USO1: variants seen among roughly 807,000 people sequenced by gnomAD.
USO1 encodes the protein USO1 vesicle transport factor.
In USO1, 57 loss-of-function variants were observed where a neutral mutation model predicts 124.5. The ratio of observed to expected loss-of-function variants is 0.46; its 90% CI spans 0.37 to 0.57. The LOEUF is 0.57. Ranked by LOEUF, USO1 falls within the 20% of genes least tolerant of loss-of-function variation. USO1 has a pLI of 0.00. For missense variants in USO1, 900 were observed against 1,040.6 expected (o/e 0.86, Z 1.86); for synonymous variants, 369 against 362.8 (o/e 1.02, Z -0.19).
chr4:75,744,823 A>G (rs1163015310), intron 1 of USO1: 1 of 385,458 alleles, frequency 2.6e-6, no homozygotes, highest in Non-Finnish European at 5.2e-6. Flanking sequence ...GCCCCCATGA[A>G]TGGACATTAA....
intron 3 of USO1, chr4:75,755,620 C>CA (rs1721418931): frequency 2.3e-6 from 1 of 428,086 alleles, no homozygotes; most frequent in Non-Finnish European, 4.6e-6. Flanking sequence ...CAGTGTAACT[C>CA]AAATTGACTA....
intron 19 of USO1, 36 bp downstream of exon 19, chr4:75,805,339 C>G (rs1345035181): frequency 2.0e-6 from 3 of 1,501,382 alleles, no homozygotes; most frequent in Non-Finnish European, 2.7e-6. Context: ...AATAAGAGTT[C>G]AAGAGTGGTT....
intron 3 of USO1, among the ~76,000 whole-genome samples, chr4:75,756,453 T>C (rs960211816): frequency 1.3e-4 from 20 of 152,028 alleles, no homozygotes; most frequent in African/African-American, 1.2e-4. Context: ...CATCTCAATA[T>C]GGAAAATAGA....
At chr4:75,784,361 T>G (rs890775788) in intron 9 of USO1, among the ~76,000 whole-genome samples, 2 of 152,172 alleles carry the variant, frequency 1.3e-5, no homozygotes, top group African/African-American at 4.8e-5. Context: ...AGAAAAGTAA[T>G]TTCCAAAATG....
At chr4:75,755,442 C>T (rs1560441676) in intron 3 of USO1, 3 of 519,690 alleles carry the variant, frequency 5.8e-6, no homozygotes, top group Non-Finnish European at 1.2e-5. Context: ...TGCATTTCAC[C>T]AGTTCAGTGA....
At chr4:75,790,912 A>G (rs987965644) in intron 12 of USO1, 115 bp downstream of exon 12, 65 of 767,218 alleles carry the variant, frequency 8.5e-5, no homozygotes, top group Non-Finnish European at 9.7e-5. Context: ...CTTAGGAGAG[A>G]AAAAAAAAAA....
intron 7 of USO1, 35 bp from the exon 8 acceptor site, chr4:75,774,641 T>G (rs1301753919): frequency 1.3e-6 from 2 of 1,534,112 alleles, no homozygotes; most frequent in Non-Finnish European, 1.8e-6. Flanking sequence ...TCATAAATTT[T>G]GTACTCCACT....
intron 4 of USO1, among the ~76,000 whole-genome samples, chr4:75,767,841 C>CA (rs1412408036): frequency 6.6e-6 from 1 of 152,126 alleles, no homozygotes; most frequent in African/African-American, 2.4e-5. Flanking sequence ...AGGTTTTTTG[C>CA]ATTTGCAAAC....
At chr4:75,742,188 T>C (rs1372658720) in intron 1 of USO1, among the ~76,000 whole-genome samples, 1 of 152,168 alleles carries the variant, frequency 6.6e-6, no homozygotes, top group African/African-American at 2.4e-5. Context: ...CAAGTAACAG[T>C]CATTTGTTAC....
rs1326073733 is a variant in USO1, at chr4:75,757,476, G to A, written c.219-21G>A. 2.7e-6 allele frequency: 4 copies of A among 1,476,080 alleles called. No homozygotes were observed. In the African/African-American group the frequency reaches 4.4e-5, roughly 16 times the overall value. 91.4% of individuals were successfully genotyped at this position (1,476,080 alleles called of 1,614,324 possible). ...ATACTCTCATCAGCAGTGTATAAGT[G>A]TAATAATTTCTTTTTTCCAGTTCAG... is the stretch of plus-strand genomic sequence containing the variant. On this transcript the variant is annotated intron_variant, in intron 3 of 23. Coordinates refer to ENST00000514213, the MANE Select transcript of USO1 (RefSeq NM_003715.4).
At chr4:75,810,672 C>A in intron 22 of USO1, 133 bp downstream of exon 22, 1 of 1,121,472 alleles carries the variant, frequency 8.9e-7, no homozygotes, top group Non-Finnish European at 1.2e-6. Context: ...AACATTTTCA[C>A]TCCTATATTG....
chr4:75,743,281 G>A (rs1399730636), intron 1 of USO1, among the ~76,000 whole-genome samples: 1 of 152,146 alleles, frequency 6.6e-6, no homozygotes, highest in Non-Finnish European at 1.5e-5. Context: ...CACCATGCCT[G>A]GCCGAATAAG....
chr4:75,769,577 T>C (rs1011540880), intron 4 of USO1, among the ~76,000 whole-genome samples: 6 of 152,132 alleles, frequency 3.9e-5, no homozygotes, highest in Admixed American at 2.6e-4. Flanking sequence ...GAGTACTATA[T>C]GGAAAAGTAT....
At position 75,769,599 on chromosome 4, in the gene USO1, G is replaced by T. The variant is rs549649892; in HGVS notation, c.296-840G>T. Among the ~76,000 whole-genome samples, 3 of 152,254 alleles carry T rather than the reference G, an allele frequency of 2.0e-5. No individual in the cohort carries two copies. In the East Asian group the frequency reaches 5.8e-4, roughly 29 times the overall value. On this transcript the variant is annotated intron_variant, in intron 4 of 23. Transcript: ENST00000514213. ...ATATGGAAAAGTATTCTGACGCTCA[G>T]CCAATGCTGTGATTAATTAGCTGTG...
At chr4:75,802,736 C>CTTTTTTTTTTTTTTTTTTTTT (rs997798305) in intron 17 of USO1, among the ~76,000 whole-genome samples, 17 of 63,740 alleles carry the variant, frequency 2.7e-4, no homozygotes, top group Admixed American at 4.3e-4. Flanking sequence ...TTTTTCTTTT[C>CTTTTTTTTTTTTTTTTTTTTT]TTTTTTTTTT....
intron 1 of USO1, among the ~76,000 whole-genome samples, chr4:75,726,391 TG>T (rs1050101708): frequency 1.0e-3 from 156 of 152,278 alleles, no homozygotes; most frequent in African/African-American, 3.6e-3. Flanking sequence ...TTCACTTTAT[TG>T]CTCATGCCTG....
chr4:75,811,409 G>GC lies in USO1; in HGVS notation c.2584-743dup, dbSNP rs528242659. ...GACCTCAGGTGATCTGCCCGCATTG[G>GC]CCCCCCCCAAAGTGCTGGGATTACA... On this transcript the variant is annotated intron_variant, in intron 22 of 23. Transcript: ENST00000514213. Among the ~76,000 whole-genome samples the GC allele has an allele frequency of 2.2e-3, 339 of 151,642 alleles. 2 individuals carry two copies. Among genetic ancestry groups the GC allele is most frequent in the African/African-American group, 7.6e-3 (314 of 41,376 alleles).
At chr4:75,742,657 C>A (rs1414236094) in intron 1 of USO1, among the ~76,000 whole-genome samples, 1 of 152,150 alleles carries the variant, frequency 6.6e-6, no homozygotes, top group Non-Finnish European at 1.5e-5. Flanking sequence ...TGTTAAAAGG[C>A]CTAGGGGCAA....
intron 1 of USO1, among the ~76,000 whole-genome samples, chr4:75,732,580 C>A (rs1401248134): frequency 2.0e-5 from 3 of 152,044 alleles, no homozygotes; most frequent in South Asian, 2.1e-4. Context: ...TTTAGTCTTA[C>A]AATAAATAGT....
Sources: gnomAD v4.1 joint callset for allele counts (sites outside exome capture counted in the v4.1 genomes callset) on GRCh38, gnomAD v4.1.1 for gene constraint, MANE v1.5 for transcripts, NCBI Gene and HGNC (gene_info 2026-07-23, HGNC 2026-07-21) for gene names.